Variants in ACBD6 observed in about 807,000 individuals in gnomAD.
ACBD6 encodes the protein acyl-CoA binding domain containing 6, also known as acyl-CoA-binding domain-containing protein 6.
A neutral mutation model predicts 37.2 loss-of-function variants in ACBD6; 28 were observed. The ratio of observed to expected loss-of-function variants is 0.75; its 90% CI spans 0.56 to 1.03. The LOEUF is 1.03. ACBD6 is among the 50% of genes least tolerant of loss of function. The pLI is 0.00. For missense variants in ACBD6, 340 were observed against 337.4 expected (o/e 1.01, Z -0.06); for synonymous variants, 113 against 126.8 (o/e 0.89, Z 0.73).
chr1:180,349,001 T>C (rs552526971), intron 6 of ACBD6, among the ~76,000 whole-genome samples: 33 of 152,112 alleles, frequency 2.2e-4, no homozygotes, highest in Non-Finnish European at 4.4e-4. Context: ...TCACTAAAAA[T>C]GTTATTCACA....
intron 3 of ACBD6, among the ~76,000 whole-genome samples, chr1:180,474,188 G>A (rs1650693766): frequency 1.3e-5 from 2 of 152,022 alleles, no homozygotes; most frequent in Admixed American, 1.3e-4. Context: ...TATACGCAGG[G>A]AGAAATACAA....
intron 5 of ACBD6, among the ~76,000 whole-genome samples, chr1:180,412,782 C>T (rs561645656): frequency 2.6e-5 from 4 of 152,208 alleles, no homozygotes; most frequent in South Asian, 2.1e-4. Context: ...AAGAGGATTG[C>T]GTAAGCCCAT....
chr1:180,338,818 TCAAA>T (rs1651850798), intron 6 of ACBD6, among the ~76,000 whole-genome samples: 1 of 151,920 alleles, frequency 6.6e-6, no homozygotes, highest in Non-Finnish European at 1.5e-5. Context: ...TACAAAGAAC[TCAAA>T]CAAATTTATA....
At chr1:180,494,600 G>A (rs553905579) in intron 2 of ACBD6, among the ~76,000 whole-genome samples, 18 of 152,200 alleles carry the variant, frequency 1.2e-4, no homozygotes, top group Non-Finnish European at 2.4e-4. Flanking sequence ...GGCAGGAAAT[G>A]TATCCAGGGG....
intron 6 of ACBD6, among the ~76,000 whole-genome samples, chr1:180,331,660 C>T (rs750189685): frequency 6.6e-6 from 1 of 152,110 alleles, no homozygotes; most frequent in Non-Finnish European, 1.5e-5. Context: ...TAGAATAATA[C>T]TAAAACAATA....
chr1:180,337,076 C>CA (rs901959554), intron 6 of ACBD6, among the ~76,000 whole-genome samples: 13 of 152,130 alleles, frequency 8.5e-5, no homozygotes, highest in African/African-American at 3.1e-4. Context: ...ACCAGAGGTA[C>CA]AAGGAGGAGC....
intron 6 of ACBD6, among the ~76,000 whole-genome samples, chr1:180,333,724 C>T (rs1051611592): frequency 2.0e-5 from 3 of 152,218 alleles, no homozygotes; most frequent in African/African-American, 7.2e-5. Flanking sequence ...GGCATCGCCT[C>T]ACCCGGGAAG....
At chr1:180,398,624 A>C (rs1021382779) in intron 5 of ACBD6, among the ~76,000 whole-genome samples, 7 of 152,370 alleles carry the variant, frequency 4.6e-5, no homozygotes, top group Middle Eastern at 3.4e-3. Flanking sequence ...CTTGTCTACC[A>C]AAGACTCACA....
At chr1:180,363,293 T>G (rs907553447) in intron 6 of ACBD6, among the ~76,000 whole-genome samples, 2 of 152,224 alleles carry the variant, frequency 1.3e-5, no homozygotes, top group African/African-American at 4.8e-5. Flanking sequence ...GAATTCATTA[T>G]GTACAAAATA....
chr1:180,473,426 G>A (rs1010141084), intron 3 of ACBD6, among the ~76,000 whole-genome samples: 21 of 134,568 alleles, frequency 1.6e-4, no homozygotes, highest in Admixed American at 2.5e-4. Flanking sequence ...CAGCCTGGGC[G>A]ACAGAGCGAG....
At position 180,404,616 on chromosome 1, in the gene ACBD6, C is replaced by T. The variant is rs551488106; in HGVS notation, c.574-7011G>A. Among the ~76,000 whole-genome samples, 3 of 152,166 alleles carry T rather than the reference C, an allele frequency of 2.0e-5. No individual in the cohort carries two copies. In the South Asian group the frequency reaches 6.2e-4, roughly 32 times the overall value. On this transcript the variant is annotated intron_variant, in intron 5 of 7. Coordinates refer to ENST00000367595, the MANE Select transcript of ACBD6 (RefSeq NM_032360.4). Reference sequence around the variant, plus strand: ...GGGACTACAGGCATGTGCCACCATGCTCAGCTAATTTTTGTATTTTTAGTA... The same window carrying T: ...GGGACTACAGGCATGTGCCACCATGTTCAGCTAATTTTTGTATTTTTAGTA...
chr1:180,392,613 G>C (rs527901480), intron 6 of ACBD6, among the ~76,000 whole-genome samples: 1 of 152,128 alleles, frequency 6.6e-6, no homozygotes, highest in Non-Finnish European at 1.5e-5. Flanking sequence ...TGGCATTGAT[G>C]CAATGACTAA....
intron 6 of ACBD6, among the ~76,000 whole-genome samples, chr1:180,389,036 G>C (rs149835465): frequency 0.16 from 24,034 of 152,086 alleles, 1,958 homozygotes; most frequent in Middle Eastern, 0.22. Context: ...TAAGTTTTAG[G>C]GTACATGTGC....
rs147777988 is a variant in ACBD6, at chr1:180,436,046, C to T, written c.385-5784G>A. Reference sequence around the variant, plus strand: ...TTGTACGTCTGGAATGCAAGTATTGCTAAATATGTTAGACCTCCAGGTTAA... The same window carrying T: ...TTGTACGTCTGGAATGCAAGTATTGTTAAATATGTTAGACCTCCAGGTTAA... On this transcript the variant is annotated intron_variant, in intron 3 of 7. Coordinates refer to ENST00000367595, the MANE Select transcript of ACBD6 (RefSeq NM_032360.4). 1.8e-3 allele frequency: 1,138 copies of T among 648,040 alleles called. 7 individuals carry two copies. In the African/African-American group the frequency reaches 0.019, roughly 11 times the overall value. 40.1% of individuals were successfully genotyped at this position (648,040 alleles called of 1,614,324 possible). A position where few individuals can be genotyped will look rare whatever the true frequency, so the allele number is the denominator to read the frequency against.
chr1:180,373,393 T>C (rs975707443), intron 6 of ACBD6, among the ~76,000 whole-genome samples: 1 of 152,092 alleles, frequency 6.6e-6, no homozygotes, highest in Admixed American at 6.6e-5. Context: ...CATTCAATAA[T>C]CTAAGAGCAT....
intron 3 of ACBD6, among the ~76,000 whole-genome samples, chr1:180,471,888 AC>A (rs1650583840): frequency 6.6e-6 from 1 of 152,234 alleles, no homozygotes; most frequent in Non-Finnish European, 1.5e-5. Flanking sequence ...TCAAACAAAA[AC>A]CAAGTATGGT....
chr1:180,393,119 A>T (rs1450949594), intron 6 of ACBD6, among the ~76,000 whole-genome samples: 1 of 152,224 alleles, frequency 6.6e-6, no homozygotes, highest in African/African-American at 2.4e-5. Context: ...CCCGTAAGCC[A>T]TATCCTAATC....
chr1:180,468,131 G>A (rs1650420986), intron 3 of ACBD6, among the ~76,000 whole-genome samples: 1 of 152,190 alleles, frequency 6.6e-6, no homozygotes, highest in Non-Finnish European at 1.5e-5. Context: ...ATGGACCAAT[G>A]TAGCTCAGAA....
chr1:180,301,872 AT>A (rs1429469106), intron 7 of ACBD6, among the ~76,000 whole-genome samples: 30 of 152,194 alleles, frequency 2.0e-4, no homozygotes, highest in Admixed American at 1.9e-3. Context: ...CAGGAGTTAT[AT>A]ACAAAATTAC....
Sources: allele counts gnomAD v4.1 joint callset (sites outside exome capture counted in the v4.1 genomes callset), GRCh38; gene constraint gnomAD v4.1.1; transcripts MANE v1.5; gene names NCBI Gene and HGNC (gene_info 2026-07-23, HGNC 2026-07-21).